Variants in GRM5 observed in about 807,000 individuals in gnomAD.
GRM5 encodes the protein glutamate metabotropic receptor 5.
A neutral mutation model predicts 83.1 loss-of-function variants in GRM5; 19 were observed. The observed-to-expected ratio is 0.23, with a 90% CI of 0.16 to 0.34. GRM5 has a LOEUF of 0.34. Among genes scored for constraint, GRM5 ranks in the 10% least tolerant of loss-of-function variants. The pLI is 1.00. For synonymous variants in GRM5, 675 were observed against 633.6 expected, an observed-to-expected ratio of 1.07 and a Z score of -0.98; for missense variants, 1,160 against 1,588.3, an observed-to-expected ratio of 0.73 and a Z score of 4.58.
intron 3 of GRM5, among the ~76,000 whole-genome samples, chr11:88,682,934 G>GT (rs5793342): frequency 0.021 from 2,941 of 141,618 alleles, 62 homozygotes; most frequent in East Asian, 0.098. Flanking sequence ...AAACGGAATA[G>GT]TTTTTTTTTT....
chr11:88,731,163 T>G (rs1941799054), intron 3 of GRM5, among the ~76,000 whole-genome samples: 2 of 152,234 alleles, frequency 1.3e-5, no homozygotes, highest in East Asian at 1.9e-4. Context: ...AAGTCCTTTA[T>G]GATACACACT....
At chr11:88,986,389 T>A (rs1939710825) in intron 2 of GRM5, among the ~76,000 whole-genome samples, 1 of 152,168 alleles carries the variant, frequency 6.6e-6, no homozygotes, top group Non-Finnish European at 1.5e-5. Flanking sequence ...AACATGAGGT[T>A]TCCTAGTGGT....
rs148325925 is a variant in GRM5, at chr11:88,751,363, G to A, written c.912-97960C>T. ...TAAACTAGAAAATCTAGAAGAAACCGATACATTTCTGGACACATACACCCT... is the reference window on the plus strand; with the variant it reads ...TAAACTAGAAAATCTAGAAGAAACCAATACATTTCTGGACACATACACCCT... On this transcript the variant is annotated intron_variant, in intron 3 of 9. Transcript: ENST00000305447. Among the ~76,000 whole-genome samples, 739 of 152,130 alleles carry A rather than the reference G, an allele frequency of 4.9e-3. 13 individuals are homozygous for A. Among genetic ancestry groups the A allele is most frequent in the East Asian group, 0.028 (143 of 5,182 alleles).
chr11:88,761,898 C>T (rs1400823365), intron 3 of GRM5, among the ~76,000 whole-genome samples: 1 of 151,824 alleles, frequency 6.6e-6, no homozygotes, highest in African/African-American at 2.4e-5. Flanking sequence ...TAATGCCACA[C>T]TTACAACCAT....
intron 3 of GRM5, among the ~76,000 whole-genome samples, chr11:88,811,630 G>A (rs574067585): frequency 1.3e-5 from 2 of 152,016 alleles, no homozygotes; most frequent in Non-Finnish European, 2.9e-5. Flanking sequence ...TCAAAATTAG[G>A]GAGAACGGTC....
At chr11:88,760,874 T>G (rs1432072523) in intron 3 of GRM5, among the ~76,000 whole-genome samples, 1 of 152,112 alleles carries the variant, frequency 6.6e-6, no homozygotes, top group Non-Finnish European at 1.5e-5. Flanking sequence ...CAAGTAGGCG[T>G]TATCTCTGGG....
intron 3 of GRM5, among the ~76,000 whole-genome samples, chr11:88,719,781 T>C (rs1368551283): frequency 6.6e-6 from 1 of 152,058 alleles, no homozygotes; most frequent in East Asian, 1.9e-4. Context: ...TGGTATCTCA[T>C]TGTGGTTTTG....
chr11:89,003,547 C>T (rs1350038832), intron 2 of GRM5, among the ~76,000 whole-genome samples: 6 of 152,106 alleles, frequency 3.9e-5, no homozygotes, highest in Admixed American at 3.9e-4. Context: ...GCCTGGAGAA[C>T]TCTAAGAATA....
At chr11:88,772,024 G>A (rs934770092) in intron 3 of GRM5, among the ~76,000 whole-genome samples, 2 of 102,458 alleles carry the variant, frequency 2.0e-5, no homozygotes, top group East Asian at 2.4e-4. Flanking sequence ...ATGTATCAAC[G>A]CTTATCAATC....
intron 8 of GRM5, among the ~76,000 whole-genome samples, chr11:88,561,497 G>A (rs1942754043): frequency 6.6e-6 from 1 of 152,120 alleles, no homozygotes; most frequent in African/African-American, 2.4e-5. Flanking sequence ...CCAGTTCCAT[G>A]TGCCTGGAAA....
intron 2 of GRM5, among the ~76,000 whole-genome samples, chr11:88,944,017 T>C (rs1938195647): frequency 6.6e-6 from 1 of 152,036 alleles, no homozygotes; most frequent in African/African-American, 2.4e-5. Context: ...GGCACTTTAA[T>C]AGTGTTTGGC....
At chr11:88,943,460 G>A (rs558397772) in intron 2 of GRM5, among the ~76,000 whole-genome samples, 7 of 151,914 alleles carry the variant, frequency 4.6e-5, no homozygotes, top group Admixed American at 1.3e-4. Flanking sequence ...GACTGTAATG[G>A]CTAATTTTCT....
At chr11:88,778,997 G>A (rs1387312997) in intron 3 of GRM5, among the ~76,000 whole-genome samples, 1 of 152,210 alleles carries the variant, frequency 6.6e-6, no homozygotes, top group Non-Finnish European at 1.5e-5. Flanking sequence ...ATGTAGACCA[G>A]TGCTGCAATT....
intron 2 of GRM5, among the ~76,000 whole-genome samples, chr11:88,915,482 C>A (rs1182330942): frequency 6.6e-6 from 1 of 151,736 alleles, no homozygotes; most frequent in Non-Finnish European, 1.5e-5. Flanking sequence ...GCTCCCTTGC[C>A]CCATTATGGA....
chr11:88,862,343 A>T (rs1023035450), intron 2 of GRM5, among the ~76,000 whole-genome samples: 5 of 151,696 alleles, frequency 3.3e-5, no homozygotes, highest in Non-Finnish European at 5.9e-5. Flanking sequence ...TTATATATAT[A>T]TTTTTTCTTT....
intron 2 of GRM5, among the ~76,000 whole-genome samples, chr11:88,870,132 G>T (rs1050963476): frequency 6.6e-6 from 1 of 151,434 alleles, no homozygotes; most frequent in African/African-American, 2.4e-5. Flanking sequence ...GAGCTTTATA[G>T]GGAGTGGAGT....
chr11:88,794,875 G>A (rs11021341), intron 3 of GRM5, among the ~76,000 whole-genome samples: 4,751 of 152,258 alleles, frequency 0.031, 222 homozygotes, highest in African/African-American at 0.096. Flanking sequence ...TGTTCTTCAT[G>A]AGACCAGTTA....
chr11:89,048,092 A>C lies in GRM5; in HGVS notation c.-200-20T>G. On this transcript the variant is annotated intron_variant, in intron 1 of 9. Transcript: ENST00000305447. Reference sequence around the variant, plus strand: ...CTAAACCTGAAAAAAAAAAAATAACATGGGTCTTTAACAAACATAAATGCA... The same window carrying C: ...CTAAACCTGAAAAAAAAAAAATAACCTGGGTCTTTAACAAACATAAATGCA... 7 of 513,528 alleles carry C rather than the reference A, an allele frequency of 1.4e-5. No individual in the cohort carries two copies. Among genetic ancestry groups the C allele is most frequent in the East Asian group, 9.5e-5 (3 of 31,470 alleles). 31.8% of individuals were successfully genotyped at this position (513,528 alleles called of 1,614,324 possible). A position where few individuals can be genotyped will look rare whatever the true frequency, so the allele number is the denominator to read the frequency against.
intron 3 of GRM5, among the ~76,000 whole-genome samples, chr11:88,846,774 A>AT (rs1195119820): frequency 5.3e-5 from 8 of 152,140 alleles, no homozygotes; most frequent in Non-Finnish European, 8.8e-5. Context: ...GATTTTCAGA[A>AT]TATCTGTAAA....
Sources: allele counts gnomAD v4.1 joint callset (sites outside exome capture counted in the v4.1 genomes callset), GRCh38; gene constraint gnomAD v4.1.1; transcripts MANE v1.5; gene names NCBI Gene and HGNC (gene_info 2026-07-23, HGNC 2026-07-21).